MBNL3: variants seen among roughly 807,000 people sequenced by gnomAD.
MBNL3 encodes the protein muscleblind-like protein 3.
MBNL3 carries 6 observed loss-of-function variants against 24.5 expected under a neutral mutation model. That is an observed-to-expected ratio of 0.25 (90% CI 0.13 to 0.48). The LOEUF is 0.48. Among genes scored for constraint, MBNL3 ranks in the 20% least tolerant of loss-of-function variants. The probability of loss-of-function intolerance (pLI) is 0.99; values close to 1 mark genes in which losing one functional copy is unlikely to be tolerated. For missense variants in MBNL3, 230 were observed against 293.5 expected (o/e 0.78, Z 1.58); for synonymous variants, 100 against 101.7 (o/e 0.98, Z 0.10).
intron 2 of MBNL3, among the ~76,000 whole-genome samples, chrX:132,437,748 C>T (rs1479869125): frequency 9.0e-6 from 1 of 111,509 alleles, no homozygotes; most frequent in Admixed American, 9.6e-5. Flanking sequence ...AAGGCACTGC[C>T]CAATCCTGTA....
intron 1 of MBNL3, among the ~76,000 whole-genome samples, chrX:132,466,875 T>C: frequency 9.0e-6 from 1 of 111,559 alleles, no homozygotes; most frequent in East Asian, 2.8e-4. Context: ...TCTTATAGCA[T>C]GGTCACAGGC....
intron 1 of MBNL3, among the ~76,000 whole-genome samples, chrX:132,452,118 A>G (rs764802953): frequency 9.0e-6 from 1 of 111,435 alleles, no homozygotes; most frequent in South Asian, 3.9e-4. Flanking sequence ...CTATTCTACC[A>G]TCTTGCTCTA....
Position 132,393,061 on chromosome X carries a change from T to C in MBNL3, c.343-727A>G, listed in dbSNP as rs141978978. Among the ~76,000 whole-genome samples the C allele has an allele frequency of 9.4e-3, 1,051 of 111,650 alleles. 9 individuals are homozygous for C. The highest frequency in any genetic ancestry group is 0.015 in the Non-Finnish European group (819 of 53,048). On this transcript the variant is annotated intron_variant, in intron 3 of 8. Transcript: ENST00000370853. ...ATGAGATATTTTGATACAGGCATACTGTGTGTAATAATCACATCAGGGTAA... is the reference window on the plus strand; with the variant it reads ...ATGAGATATTTTGATACAGGCATACCGTGTGTAATAATCACATCAGGGTAA...
intron 8 of MBNL3, 150 bp from the exon 9 acceptor site, chrX:132,379,827 G>C (rs1934516071): frequency 2.2e-6 from 1 of 455,022 alleles, no homozygotes; most frequent in Non-Finnish European, 3.8e-6. Flanking sequence ...ATTGAAATGG[G>C]GCTTTTGAGA....
chrX:132,442,122 T>C (rs1317141733), intron 1 of MBNL3, among the ~76,000 whole-genome samples: 1 of 111,524 alleles, frequency 9.0e-6, no homozygotes, highest in Non-Finnish European at 1.9e-5. Context: ...GACTGCTTAA[T>C]GGGTACAGAG....
At chrX:132,426,902 G>A (rs1395446711) in intron 2 of MBNL3, among the ~76,000 whole-genome samples, 1 of 112,071 alleles carries the variant, frequency 8.9e-6, no homozygotes, top group Non-Finnish European at 1.9e-5. Flanking sequence ...TTTCTTTGGG[G>A]AATTGAATGT....
chrX:132,400,064 A>C (rs144290210), intron 3 of MBNL3, among the ~76,000 whole-genome samples: 2,356 of 111,017 alleles, frequency 0.021, 34 homozygotes, highest in Non-Finnish European at 0.033. Flanking sequence ...TAAAGGGAGA[A>C]TGTTGAGATT....
chrX:132,442,327 T>C (rs1019958609), intron 1 of MBNL3, among the ~76,000 whole-genome samples: 2 of 112,278 alleles, frequency 1.8e-5, no homozygotes, highest in African/African-American at 6.5e-5. Context: ...AAAAACAGCC[T>C]GACTAGTGAT....
chrX:132,465,147 A>C (rs1315653926), intron 1 of MBNL3, among the ~76,000 whole-genome samples: 1 of 112,310 alleles, frequency 8.9e-6, no homozygotes, highest in Non-Finnish European at 1.9e-5. Flanking sequence ...TAGCATATAT[A>C]GGATTCTAAT....
At chrX:132,475,662 T>C (rs1392544679) in intron 1 of MBNL3, among the ~76,000 whole-genome samples, 3 of 112,143 alleles carry the variant, frequency 2.7e-5, no homozygotes, top group Non-Finnish European at 5.6e-5. Context: ...AGGACGTTTT[T>C]ATTGGGTGTG....
At chrX:132,409,739 A>T (rs770856048) in intron 2 of MBNL3, among the ~76,000 whole-genome samples, 7 of 111,246 alleles carry the variant, frequency 6.3e-5, no homozygotes, top group Non-Finnish European at 1.1e-4. Context: ...GGGAGTCAAG[A>T]CATGAAAATC....
intron 2 of MBNL3, among the ~76,000 whole-genome samples, chrX:132,426,857 T>A (rs1222433042): frequency 8.9e-6 from 1 of 112,405 alleles, no homozygotes; most frequent in Non-Finnish European, 1.9e-5. Context: ...GCCTAACAAG[T>A]AAGAGGTTGC....
intron 1 of MBNL3, among the ~76,000 whole-genome samples, chrX:132,483,617 C>T (rs1234490229): frequency 8.9e-6 from 1 of 112,078 alleles, no homozygotes; most frequent in Non-Finnish European, 1.9e-5. Flanking sequence ...GACTACCCCT[C>T]CCATGCCACT....
chrX:132,457,867 C>G (rs1448186154), intron 1 of MBNL3, among the ~76,000 whole-genome samples: 3 of 111,480 alleles, frequency 2.7e-5, no homozygotes, highest in Non-Finnish European at 5.7e-5. Flanking sequence ...AACAAAGCAG[C>G]TTTCATATTA....
intron 2 of MBNL3, among the ~76,000 whole-genome samples, chrX:132,421,409 G>A (rs1185978549): frequency 4.5e-5 from 5 of 111,062 alleles, no homozygotes; most frequent in African/African-American, 6.5e-5. Flanking sequence ...ATTTATATAC[G>A]TATAATGTTA....
At chrX:132,472,414 C>T (rs1947228243) in intron 1 of MBNL3, among the ~76,000 whole-genome samples, 1 of 111,981 alleles carries the variant, frequency 8.9e-6, no homozygotes, top group Non-Finnish European at 1.9e-5. Context: ...GTCCTTCACA[C>T]TAGGCTTCTC....
At chrX:132,433,349 A>G (rs1362795150) in intron 2 of MBNL3, among the ~76,000 whole-genome samples, 3 of 112,221 alleles carry the variant, frequency 2.7e-5, no homozygotes, top group Non-Finnish European at 5.6e-5. Flanking sequence ...ATCAGTGACA[A>G]AATGAATGGT....
intron 2 of MBNL3, among the ~76,000 whole-genome samples, chrX:132,427,722 A>G (rs2148399550): frequency 8.9e-6 from 1 of 111,998 alleles, no homozygotes; most frequent in East Asian, 2.8e-4. Context: ...TGCATATAAA[A>G]GATGGTTAAA....
chrX:132,382,874 A>T (rs1219000110), intron 7 of MBNL3, among the ~76,000 whole-genome samples: 1 of 112,062 alleles, frequency 8.9e-6, no homozygotes, highest in Non-Finnish European at 1.9e-5. Flanking sequence ...TGGACTATGC[A>T]TGCAGGTTTT....
Sources: allele counts gnomAD v4.1 joint callset (sites outside exome capture counted in the v4.1 genomes callset), GRCh38; gene constraint gnomAD v4.1.1; transcripts MANE v1.5; gene names NCBI Gene and HGNC (gene_info 2026-07-23, HGNC 2026-07-21).